RSF1: variants seen among roughly 807,000 people sequenced by gnomAD.
RSF1 encodes HBV pX-associated protein 8.
RSF1 carries 13 observed loss-of-function variants against 145.2 expected under a neutral mutation model. The observed-to-expected ratio is 0.09, with a 90% CI of 0.06 to 0.14. RSF1 has a LOEUF of 0.14. Among genes scored for constraint, RSF1 ranks in the 10% least tolerant of loss-of-function variants. The pLI, the probability that RSF1 is intolerant of heterozygous loss-of-function variation, is 1.00. For missense variants in RSF1, 1,517 were observed against 1,718.2 expected (o/e 0.88, Z 2.07); for synonymous variants, 577 against 592.6 (o/e 0.97, Z 0.38).
chr11:77,677,882 C>T (rs370016257), intron 12 of RSF1, among the ~76,000 whole-genome samples: 14 of 152,246 alleles, frequency 9.2e-5, no homozygotes, highest in African/African-American at 3.4e-4. Context: ...AACAAAACTG[C>T]TTTAAAAGTA....
rs370075579 is a variant in RSF1, at chr11:77,667,081, T to C, written c.4162A>G (p.Thr1388Ala). 8 of 1,614,076 alleles carry C rather than the reference T, an allele frequency of 5.0e-6. No homozygotes were observed. In the African/African-American group the frequency reaches 1.1e-4, roughly 22 times the overall value. The stretch of plus-strand genomic sequence containing the variant: ...TCCTTGGGGGTCTGAGACTTCTCAG[T>C]AGGCTTGCCAATCAAGTTCTCAATG... ...KAIENLIGKP[T>A]EKSQTPKDNS... is the part of the protein sequence containing the mutation. Residue 1388 changes from threonine to alanine, a missense_variant, in exon 16 of 16, where the codon ACT (threonine) becomes GCT (alanine). By Grantham distance (58) the Thr-to-Ala change is moderately conservative. Transcript: ENST00000308488.
intron 2 of RSF1, among the ~76,000 whole-genome samples, chr11:77,749,834 T>A (rs1948042119): frequency 6.6e-6 from 1 of 152,118 alleles, no homozygotes; most frequent in Admixed American, 6.5e-5. Flanking sequence ...CTGCAACCTC[T>A]GCCTCCCAGG....
the RSF1 span, among the ~76,000 whole-genome samples, chr11:77,867,369 T>A: frequency 6.6e-6 from 1 of 152,340 alleles, no homozygotes; most frequent in Non-Finnish European, 1.5e-5. Flanking sequence ...ATGTCTTCCA[T>A]GACAGTTTCC....
At chr11:77,741,225 C>A (rs934552396) in intron 3 of RSF1, among the ~76,000 whole-genome samples, 1 of 152,150 alleles carries the variant, frequency 6.6e-6, no homozygotes, top group Non-Finnish European at 1.5e-5. Context: ...ACTAAAAACT[C>A]CCAAATCATC....
At chr11:77,769,801 A>C (rs1020312865) in intron 1 of RSF1, among the ~76,000 whole-genome samples, 1 of 152,262 alleles carries the variant, frequency 6.6e-6, no homozygotes, top group African/African-American at 2.4e-5. Context: ...TAAACACATT[A>C]ATTCTTATTC....
At chr11:77,691,016 G>A in intron 9 of RSF1, 143 bp downstream of exon 9, 2 of 643,952 alleles carry the variant, frequency 3.1e-6, no homozygotes, top group Admixed American at 3.1e-5. Flanking sequence ...TTAGCAGGCA[G>A]TACAAAAACA....
chr11:77,848,426 C>T, the RSF1 span, among the ~76,000 whole-genome samples: 3 of 151,214 alleles, frequency 2.0e-5, no homozygotes, highest in East Asian at 2.0e-4. Context: ...GGCGTGATCT[C>T]GGCACACTGC....
chr11:77,788,620 C>A (rs946942303), intron 1 of RSF1, among the ~76,000 whole-genome samples: 3 of 151,348 alleles, frequency 2.0e-5, no homozygotes, highest in Non-Finnish European at 4.4e-5. Context: ...ATGAAAATAA[C>A]AGTCGTGGCA....
chr11:77,842,665 TGA>T, the RSF1 span: 1 of 1,601,022 alleles, frequency 6.2e-7, no homozygotes, highest in Non-Finnish European at 8.5e-7. Flanking sequence ...TACATGAGGC[TGA>T]CCAAGTGATT....
upstream of RSF1, among the ~76,000 whole-genome samples, chr11:77,821,888 CTG>C (rs1167768513): frequency 1.3e-5 from 2 of 152,040 alleles, no homozygotes; most frequent in Non-Finnish European, 2.9e-5. Flanking sequence ...CTTCATGACA[CTG>C]TGGAGGTTTC....
intron 1 of RSF1, chr11:77,813,423 G>T: frequency 8.2e-7 from 1 of 1,214,548 alleles, no homozygotes; most frequent in Non-Finnish European, 1.2e-6. Context: ...TGAGTCGCTT[G>T]TGGATTCTCA....
intron 2 of RSF1, among the ~76,000 whole-genome samples, chr11:77,752,692 C>T (rs919139917): frequency 5.3e-5 from 8 of 152,056 alleles, no homozygotes; most frequent in East Asian, 1.9e-4. Flanking sequence ...CAGATGAGGT[C>T]GCAAACTGTC....
At chr11:77,867,584 G>A in the RSF1 span, among the ~76,000 whole-genome samples, 347 of 152,344 alleles carry the variant, frequency 2.3e-3, no homozygotes, top group African/African-American at 7.7e-3. Flanking sequence ...TGAATGAAAG[G>A]ATAGAGGTAT....
rs139491540 is a variant in RSF1, at chr11:77,753,721, G to A, written c.280-6593C>T. 5.0e-3 allele frequency among the ~76,000 whole-genome samples: 756 copies of A among 152,354 alleles called. 9 individuals carry two copies. The highest frequency in any genetic ancestry group is 0.017 in the African/African-American group (711 of 41,582). On this transcript the variant is annotated intron_variant, in intron 2 of 15. Transcript: ENST00000308488. ...CCCTGGTAGAGGTAAAGGATTGCCA[G>A]CCATTATTCAGAAGGTAACAAGACA...
chr11:77,802,885 T>A (rs1475989034), intron 1 of RSF1, among the ~76,000 whole-genome samples: 3 of 152,108 alleles, frequency 2.0e-5, no homozygotes, highest in African/African-American at 7.2e-5. Flanking sequence ...TTCAACAATG[T>A]ACTAGCAAAC....
chr11:77,685,146 C>T lies in RSF1; in HGVS notation c.2914G>A (p.Val972Met), dbSNP rs1249480386. The T allele has an allele frequency of 6.4e-7, 1 of 1,561,102 alleles. No individual in the cohort carries two copies. The highest frequency in any genetic ancestry group is 8.7e-7 in the Non-Finnish European group (1 of 1,153,696). ...ERAERRKERL[V>M]YVGISIENII... The stretch of plus-strand genomic sequence containing the variant: ...TTTTCAATACTGATACCAACATACA[C>T]CAAGCGTTCTTTTCTTTAGGTGAAA... Residue 972 changes from valine to methionine, a missense_variant, in exon 10 of 16, where the codon GTG (valine) becomes ATG (methionine). Physicochemically the swap from Val to Met is conservative, Grantham distance 21 (BLOSUM62 1). This residue lies in a region of RSF1 where 29 missense variants were observed against 102.3 expected (regional missense o/e 0.28). Coordinates refer to ENST00000308488, the MANE Select transcript of RSF1 (RefSeq NM_016578.4).
chr11:77,672,497 G>C (rs1590821652), intron 14 of RSF1, among the ~76,000 whole-genome samples: 1 of 151,008 alleles, frequency 6.6e-6, no homozygotes, highest in East Asian at 2.0e-4. Context: ...GCTAAAGCTA[G>C]GATCACAGGC....
At chr11:77,870,801 C>T in the RSF1 span, among the ~76,000 whole-genome samples, 1 of 152,166 alleles carries the variant, frequency 6.6e-6, no homozygotes, top group Non-Finnish European at 1.5e-5. Context: ...TATATACACA[C>T]TTACACATAT....
chr11:77,772,194 G>T (rs1188248879), intron 1 of RSF1, among the ~76,000 whole-genome samples: 2 of 149,700 alleles, frequency 1.3e-5, no homozygotes, highest in Non-Finnish European at 3.0e-5. Context: ...TTTTTTTTGA[G>T]ACAGGGTCTC....
Sources: allele counts gnomAD v4.1 joint callset (sites outside exome capture counted in the v4.1 genomes callset), GRCh38; gene constraint gnomAD v4.1.1; regional missense constraint gnomAD v4.1.1; transcripts MANE v1.5; gene names NCBI Gene and HGNC (gene_info 2026-07-23, HGNC 2026-07-21).